The following ZCCHC13 variants were observed in gnomAD, a reference collection of about 807,000 sequenced individuals.
The protein encoded by ZCCHC13 is zinc finger CCHC domain-containing protein 13.
For synonymous variants in ZCCHC13, 58 were observed against 52.3 expected (o/e 1.11, Z -0.47); for missense variants, 133 against 135.9 (o/e 0.98, Z 0.11).
Position 74,304,422 on chromosome X carries a change from G to A in ZCCHC13, c.156G>A (p.Glu52=). 8.2e-7 allele frequency: 1 copy of A among 1,212,137 alleles called. No individual in the cohort carries two copies. Among genetic ancestry groups the A allele is most frequent in the South Asian group, 1.8e-5 (1 of 57,010 alleles). The change falls in exon 1 of 1, where the codon GAG becomes GAA. Residue 52 remains glutamate, a synonymous_variant. Coordinates refer to ENST00000339534, the MANE Select transcript of ZCCHC13 (RefSeq NM_203303.3). ...TLSYTCYCCG[E]SGRNAKNCVL... is the part of the protein sequence containing the mutation. ...CTTACACCTGTTACTGCTGTGGTGA[G>A]TCCGGTCGTAATGCTAAGAACTGTG...
In ZCCHC13 at chrX:74,304,641, C is replaced by A. The variant is rs149628222; in HGVS notation, c.375C>A (p.Cys125Ter). Residue 125 changes from cysteine to a stop codon, truncating the protein, a stop_gained, in exon 1 of 1, where the codon TGC (cysteine) becomes TGA (stop). Coordinates refer to ENST00000339534, the MANE Select transcript of ZCCHC13 (RefSeq NM_203303.3). LOFTEE classifies it low-confidence loss of function (END_TRUNC). ...AACTTGGGCACATTCAGAAAGACTG[C>A]GCCCAGGTCAAGTGTTACCGATGCG... ...CGKLGHIQKD[C>*]AQVKCYRCGE... 15 of 1,210,084 alleles carry A rather than the reference C, an allele frequency of 1.2e-5. No homozygotes were observed. In the African/African-American group the frequency reaches 2.3e-4, roughly 18 times the overall value.
In ZCCHC13 at chrX:74,304,809, C is replaced by T; in HGVS notation, c.*42C>T. On this transcript the variant is annotated 3_prime_UTR_variant, in exon 1 of 1. Coordinates refer to ENST00000339534, the MANE Select transcript of ZCCHC13 (RefSeq NM_203303.3). ...TTCCCCCCCACCCCCCACCCTTTTG[C>T]TGATTGATAATTGTATTATTTTCTC... is the stretch of plus-strand genomic sequence containing the variant. 1.2e-6 allele frequency: 1 copy of T among 858,850 alleles called. No homozygotes were observed. Among genetic ancestry groups the T allele is most frequent in the Non-Finnish European group, 1.6e-6 (1 of 632,318 alleles). The allele number at this position is 858,850 out of a possible 1,213,427, so 70.8% of individuals were successfully genotyped here. A position where few individuals can be genotyped will look rare whatever the true frequency, so the allele number is the denominator to read the frequency against.
chrX:74,304,822 G>T lies in ZCCHC13; in HGVS notation c.*55G>T. The T allele has an allele frequency of 1.0e-6, 1 of 1,004,064 alleles. No homozygotes were observed. The highest frequency in any genetic ancestry group is 1.4e-6 in the Non-Finnish European group (1 of 739,011). The allele number at this position is 1,004,064 out of a possible 1,213,427, so 82.7% of individuals were successfully genotyped here. ...CCCACCCTTTTGCTGATTGATAATT[G>T]TATTATTTTCTCCGAAAACTTCACT... On this transcript the variant is annotated 3_prime_UTR_variant, in exon 1 of 1. Coordinates refer to ENST00000339534, the MANE Select transcript of ZCCHC13 (RefSeq NM_203303.3).
Position 74,304,624 on chromosome X carries a change from C to A in ZCCHC13, c.358C>A (p.His120Asn). Residue 120 changes from histidine to asparagine, a missense_variant, in exon 1 of 1, where the codon CAC becomes AAC. His to Asn is a moderately conservative substitution (Grantham distance 68). Coordinates refer to ENST00000339534, the MANE Select transcript of ZCCHC13 (RefSeq NM_203303.3). ...QKCYSCGKLGHIQKDCAQVKC... is the reference protein window; with the variant it reads ...QKCYSCGKLGNIQKDCAQVKC... ...ATGCTACTCTTGCGGCAAACTTGGG[C>A]ACATTCAGAAAGACTGCGCCCAGGT... The A allele has an allele frequency of 8.3e-7, 1 of 1,212,042 alleles. No individual in the cohort carries two copies.
In ZCCHC13 at chrX:74,304,526, G is replaced by C. The variant is rs147361551; in HGVS notation, c.260G>C (p.Arg87Thr). The C allele has an allele frequency of 7.6e-4, 916 of 1,210,940 alleles. 5 individuals are homozygous for C. The African/African-American group carries it at 0.013, about 18-fold the overall frequency. The change falls in exon 1 of 1, where the codon AGA becomes ACA. Residue 87 changes from arginine (R) to threonine (T), a missense_variant. Transcript: ENST00000339534. ...AKDCKDPKRE[R>T]RQHCYTCGRL... The stretch of plus-strand genomic sequence containing the variant: ...GACTGTAAGGATCCTAAACGAGAGA[G>C]ACGCCAACACTGTTATACCTGCGGC...
rs1247921067 is a variant in ZCCHC13 at position 74,304,494 on chromosome X, C to T, written c.228C>T (p.Ile76=). ...ACAACTGTGGGAGAAGCGGCCACATCGCCAAAGACTGTAAGGATCCTAAAC... is the reference window on the plus strand; with the variant it reads ...ACAACTGTGGGAGAAGCGGCCACATTGCCAAAGACTGTAAGGATCCTAAAC... ...ICYNCGRSGH[I]AKDCKDPKRE... is the part of the protein sequence containing the mutation. The change falls in exon 1 of 1, where the codon ATC becomes ATT. Residue 76 remains isoleucine (I), a synonymous_variant. Transcript: ENST00000339534. 13 of 1,210,799 alleles carry T rather than the reference C, an allele frequency of 1.1e-5. No individual in the cohort carries two copies. Among genetic ancestry groups the T allele is most frequent in the Non-Finnish European group, 1.5e-5 (13 of 895,434 alleles).
Position 74,304,571 on chromosome X carries a change from G to T in ZCCHC13, c.305G>T (p.Arg102Leu), listed in dbSNP as rs767596798. Residue 102 changes from arginine (R) to leucine (L), a missense_variant, in exon 1 of 1, where the codon CGT (arginine) becomes CTT (leucine). Coordinates refer to ENST00000339534, the MANE Select transcript of ZCCHC13 (RefSeq NM_203303.3). ...YTCGRLGHLA[R>L]DCDRQKEQKC... ...TGCGGCAGACTAGGACATCTGGCTC[G>T]TGACTGTGATCGTCAGAAAGAGCAG... 2.2e-5 allele frequency: 27 copies of T among 1,210,874 alleles called. No individual in the cohort carries two copies. The highest frequency in any genetic ancestry group is 2.9e-5 in the Non-Finnish European group (26 of 895,464).
Position 74,304,212 on chromosome X carries a change from G to GCCGGGGCCT in ZCCHC13, c.-46_-38dup, listed in dbSNP as rs1926482078. On this transcript the variant is annotated 5_prime_UTR_variant, in exon 1 of 1. Coordinates refer to ENST00000339534, the MANE Select transcript of ZCCHC13 (RefSeq NM_203303.3). ...TCTAAGCCGCCCAAAGCGGGGTTGC[G>GCCGGGGCCT]CCGGGGCCTCCGGGGCCGAGGTGGG... 8.8e-7 allele frequency: 1 copy of GCCGGGGCCT among 1,130,862 alleles called. No individual in the cohort carries two copies. The highest frequency in any genetic ancestry group is 3.0e-5 in the Admixed American group (1 of 33,627). 93.2% of individuals were successfully genotyped at this position (1,130,862 alleles called of 1,213,427 possible). A position where few individuals can be genotyped will look rare whatever the true frequency, so the allele number is the denominator to read the frequency against.
chrX:74,304,848 C>T lies in ZCCHC13; in HGVS notation c.*81C>T. 1 of 823,450 alleles carries T rather than the reference C, an allele frequency of 1.2e-6. No individual in the cohort carries two copies. 67.9% of individuals were successfully genotyped at this position (823,450 alleles called of 1,213,427 possible). ...TATTATTTTCTCCGAAAACTTCACT[C>T]ACCGAAAGGTCGATAGATTGAGGCT... On this transcript the variant is annotated 3_prime_UTR_variant, in exon 1 of 1. Transcript: ENST00000339534.
rs1438975581 is a variant in ZCCHC13, at chrX:74,304,874, ACT to A, written c.*111_*112del. 2.1e-5 allele frequency: 13 copies of A among 605,198 alleles called. No homozygotes were observed. In the East Asian group the frequency reaches 2.9e-4, roughly 14 times the overall value. The allele number at this position is 605,198 out of a possible 1,213,427, so 49.9% of individuals were successfully genotyped here. On this transcript the variant is annotated 3_prime_UTR_variant, in exon 1 of 1. Transcript: ENST00000339534. The stretch of plus-strand genomic sequence containing the variant: ...ACCGAAAGGTCGATAGATTGAGGCT[ACT>A]CTCAGGCAAGTGAGCTTTAATTACC...
Position 74,304,456 on chromosome X carries a change from G to A in ZCCHC13, c.190G>A (p.Gly64Arg), listed in dbSNP as rs1569265696. The A allele has an allele frequency of 1.7e-6, 2 of 1,211,984 alleles. No individual in the cohort carries two copies. The highest frequency in any genetic ancestry group is 1.1e-6 in the Non-Finnish European group (1 of 895,606). Residue 64 changes from glycine to arginine, a missense_variant, in exon 1 of 1, where the codon GGA (glycine) becomes AGA (arginine). Coordinates refer to ENST00000339534, the MANE Select transcript of ZCCHC13 (RefSeq NM_203303.3). ...GRNAKNCVLL[G>R]NICYNCGRSG... Reference sequence around the variant, plus strand: ...TAATGCTAAGAACTGTGTCCTTCTCGGAAACATCTGCTACAACTGTGGGAG... The same window carrying A: ...TAATGCTAAGAACTGTGTCCTTCTCAGAAACATCTGCTACAACTGTGGGAG...
In ZCCHC13 at chrX:74,304,555, C is replaced by G. The variant is rs1247633612; in HGVS notation, c.289C>G (p.Leu97Val). ...CCAACACTGTTATACCTGCGGCAGACTAGGACATCTGGCTCGTGACTGTGA... is the reference window on the plus strand; with the variant it reads ...CCAACACTGTTATACCTGCGGCAGAGTAGGACATCTGGCTCGTGACTGTGA... ...RRQHCYTCGR[L>V]GHLARDCDRQ... is the part of the protein sequence containing the mutation. The change falls in exon 1 of 1, where the codon CTA becomes GTA. Residue 97 changes from leucine to valine, a missense_variant. Coordinates refer to ENST00000339534, the MANE Select transcript of ZCCHC13 (RefSeq NM_203303.3). 8.2e-7 allele frequency: 1 copy of G among 1,212,351 alleles called. No homozygotes were observed.
rs926547423 is a variant in ZCCHC13 at position 74,304,188 on chromosome X, C to T, written c.-79C>T. ...CCTAGCGGAAAACAGCTAATTCTTTCTAAGCCGCCCAAAGCGGGGTTGCGC... is the reference window on the plus strand; with the variant it reads ...CCTAGCGGAAAACAGCTAATTCTTTTTAAGCCGCCCAAAGCGGGGTTGCGC... On this transcript the variant is annotated 5_prime_UTR_variant, in exon 1 of 1. Transcript: ENST00000339534. The T allele has an allele frequency of 9.1e-7, 1 of 1,101,911 alleles. No homozygotes were observed. The highest frequency in any genetic ancestry group is 1.2e-6 in the Non-Finnish European group (1 of 839,713). 90.8% of individuals were successfully genotyped at this position (1,101,911 alleles called of 1,213,427 possible). A position where few individuals can be genotyped will look rare whatever the true frequency, so the allele number is the denominator to read the frequency against.
At position 74,304,704 on chromosome X, in the gene ZCCHC13, G is replaced by A. The variant is rs1308709600; in HGVS notation, c.438G>A (p.Ala146=). 1.7e-6 allele frequency: 2 copies of A among 1,211,695 alleles called. No individual in the cohort carries two copies. The highest frequency in any genetic ancestry group is 2.2e-6 in the Non-Finnish European group (2 of 895,488). ...ACGTGGCCATCAATTGCAGCAAGGC[G>A]AGGCCAGGTCAACTGCTACCGCTGC... is the stretch of plus-strand genomic sequence containing the variant. The part of the protein sequence containing the change: ...IGHVAINCSK[A]RPGQLLPLRQ... Residue 146 remains alanine, a synonymous_variant, in exon 1 of 1, where the codon GCG becomes GCA. Transcript: ENST00000339534.
At position 74,304,852 on chromosome X, in the gene ZCCHC13, G is replaced by A. The variant is rs1309642996; in HGVS notation, c.*85G>A. ...ATTTTCTCCGAAAACTTCACTCACC[G>A]AAAGGTCGATAGATTGAGGCTACTC... On this transcript the variant is annotated 3_prime_UTR_variant, in exon 1 of 1. Coordinates refer to ENST00000339534, the MANE Select transcript of ZCCHC13 (RefSeq NM_203303.3). The A allele has an allele frequency of 1.6e-5, 13 of 796,961 alleles. No homozygotes were observed. Among genetic ancestry groups the A allele is most frequent in the African/African-American group, 9.4e-5 (4 of 42,386 alleles). The allele number at this position is 796,961 out of a possible 1,213,427, so 65.7% of individuals were successfully genotyped here. A position where few individuals can be genotyped will look rare whatever the true frequency, so the allele number is the denominator to read the frequency against.
In ZCCHC13 at chrX:74,304,518, A is replaced by G; in HGVS notation, c.252A>G (p.Lys84=). 2 of 1,211,968 alleles carry G rather than the reference A, an allele frequency of 1.7e-6. No homozygotes were observed. The highest frequency in any genetic ancestry group is 2.2e-6 in the Non-Finnish European group (2 of 895,551). The change falls in exon 1 of 1, where the codon AAA becomes AAG. Residue 84 remains lysine, a synonymous_variant. Transcript: ENST00000339534. ...GHIAKDCKDP[K]RERRQHCYTC... The stretch of plus-strand genomic sequence containing the variant: ...TCGCCAAAGACTGTAAGGATCCTAA[A>G]CGAGAGAGACGCCAACACTGTTATA...
At position 74,304,729 on chromosome X, in the gene ZCCHC13, C is replaced by A; in HGVS notation, c.463C>A (p.Arg155=). The change falls in exon 1 of 1, where the codon CGG becomes AGG. Residue 155 remains arginine (R), a synonymous_variant. Coordinates refer to ENST00000339534, the MANE Select transcript of ZCCHC13 (RefSeq NM_203303.3). ...KARPGQLLPL[R]QIPTSSQGMS... ...GAGGCCAGGTCAACTGCTACCGCTGCGGCAAATCCCGACATCTAGCCAAGG... is the reference window on the plus strand; with the variant it reads ...GAGGCCAGGTCAACTGCTACCGCTGAGGCAAATCCCGACATCTAGCCAAGG... 1.7e-6 allele frequency: 2 copies of A among 1,211,224 alleles called. No homozygotes were observed. Among genetic ancestry groups the A allele is most frequent in the African/African-American group, 3.5e-5 (2 of 57,707 alleles).
Position 74,304,519 on chromosome X carries a change from C to A in ZCCHC13, c.253C>A (p.Arg85=), listed in dbSNP as rs746589997. 8.2e-7 allele frequency: 1 copy of A among 1,212,145 alleles called. No individual in the cohort carries two copies. The highest frequency in any genetic ancestry group is 1.8e-5 in the South Asian group (1 of 57,023). The change falls in exon 1 of 1, where the codon CGA becomes AGA. Residue 85 remains arginine (R), a synonymous_variant. Coordinates refer to ENST00000339534, the MANE Select transcript of ZCCHC13 (RefSeq NM_203303.3). ...CGCCAAAGACTGTAAGGATCCTAAA[C>A]GAGAGAGACGCCAACACTGTTATAC... ...HIAKDCKDPK[R]ERRQHCYTCG...
Position 74,305,003 on chromosome X carries a change from A to G in ZCCHC13, c.*236A>G. 1 of 359,445 alleles carries G rather than the reference A, an allele frequency of 2.8e-6. No homozygotes were observed. Among genetic ancestry groups the G allele is most frequent in the Non-Finnish European group, 5.1e-6 (1 of 197,384 alleles). 29.6% of individuals were successfully genotyped at this position (359,445 alleles called of 1,213,427 possible). A position where few individuals can be genotyped will look rare whatever the true frequency, so the allele number is the denominator to read the frequency against. On this transcript the variant is annotated 3_prime_UTR_variant, in exon 1 of 1. Coordinates refer to ENST00000339534, the MANE Select transcript of ZCCHC13 (RefSeq NM_203303.3). ...TTGCTTCTGCCCCACGGGCAAATCT[A>G]GTTATTAAATAGTCATTCTGAGCAC...
Sources: allele counts gnomAD v4.1 joint callset, GRCh38; gene constraint gnomAD v4.1.1; transcripts MANE v1.5; gene names NCBI Gene and HGNC (gene_info 2026-07-23, HGNC 2026-07-21).